Variants in MAN1A2 observed in about 807,000 individuals in gnomAD.
MAN1A2 encodes the protein mannosyl-oligosaccharide 1,2-alpha-mannosidase IB.
Under a neutral mutation model 75.7 loss-of-function variants are expected in MAN1A2, and 26 were observed. The observed-to-expected ratio is 0.34, with a 90% CI of 0.25 to 0.48. The LOEUF (loss-of-function observed/expected upper bound fraction) is 0.48, where lower values mean the gene tolerates loss of function less well. Among genes scored for constraint, MAN1A2 ranks in the 20% least tolerant of loss-of-function variants. The pLI, the probability that MAN1A2 is intolerant of heterozygous loss-of-function variation, is 0.99. For synonymous variants in MAN1A2, 247 were observed against 264.6 expected (o/e 0.93, Z 0.65); for missense variants, 562 against 775.5 (o/e 0.72, Z 3.27).
chr1:117,466,967 T>C (rs910933363), intron 8 of MAN1A2, among the ~76,000 whole-genome samples: 2 of 152,114 alleles, frequency 1.3e-5, no homozygotes, highest in African/African-American at 4.8e-5. Context: ...GGCTGACACA[T>C]AAATGTTACT....
At chr1:117,419,664 G>A (rs1206809672) in intron 4 of MAN1A2, among the ~76,000 whole-genome samples, 1 of 151,792 alleles carries the variant, frequency 6.6e-6, no homozygotes, top group Non-Finnish European at 1.5e-5. Flanking sequence ...TAGATTCTTT[G>A]ATTATGTTCT....
intron 1 of MAN1A2, among the ~76,000 whole-genome samples, chr1:117,389,107 A>C (rs1471359358): frequency 6.6e-6 from 1 of 152,208 alleles, no homozygotes; most frequent in African/African-American, 2.4e-5. Context: ...GACTACTTAA[A>C]ATACCAAATC....
At chr1:117,429,125 T>C (rs2101792633) in intron 5 of MAN1A2, among the ~76,000 whole-genome samples, 1 of 147,356 alleles carries the variant, frequency 6.8e-6, no homozygotes, top group East Asian at 2.0e-4. Context: ...GGGGGTAAGG[T>C]CACAGATCAA....
intron 4 of MAN1A2, among the ~76,000 whole-genome samples, chr1:117,415,638 A>G (rs1172137122): frequency 1.4e-5 from 2 of 147,758 alleles, no homozygotes; most frequent in African/African-American, 2.5e-5. Context: ...ACCTAATATA[A>G]AAGAGCTTAA....
At chr1:117,514,893 A>G (rs1651667138) in intron 12 of MAN1A2, 2 of 533,004 alleles carry the variant, frequency 3.8e-6, no homozygotes, top group South Asian at 2.8e-5. Flanking sequence ...CTGGATGAAA[A>G]GAGTAGCATC....
chr1:117,477,889 G>A (rs1650373444), intron 8 of MAN1A2, among the ~76,000 whole-genome samples: 2 of 151,924 alleles, frequency 1.3e-5, no homozygotes, highest in Admixed American at 1.3e-4. Context: ...AAACCCCATC[G>A]CCTCAGCCCA....
intron 8 of MAN1A2, among the ~76,000 whole-genome samples, chr1:117,490,695 T>C (rs928814811): frequency 6.6e-6 from 1 of 152,114 alleles, no homozygotes; most frequent in African/African-American, 2.4e-5. Flanking sequence ...GGAAGGCATG[T>C]CAAAAGCCAA....
chr1:117,481,932 C>G (rs987936460), intron 8 of MAN1A2, among the ~76,000 whole-genome samples: 5 of 151,876 alleles, frequency 3.3e-5, no homozygotes, highest in African/African-American at 1.2e-4. Flanking sequence ...CTAACCCTTT[C>G]CATTTTGCCT....
intron 6 of MAN1A2, among the ~76,000 whole-genome samples, chr1:117,444,976 G>A (rs2101816445): frequency 6.6e-6 from 1 of 152,258 alleles, no homozygotes; most frequent in South Asian, 2.1e-4. Flanking sequence ...GGCATTAGTT[G>A]TGGAGTTTTC....
intron 5 of MAN1A2, among the ~76,000 whole-genome samples, chr1:117,426,213 TC>T (rs1648368480): frequency 6.6e-6 from 1 of 151,916 alleles, no homozygotes; most frequent in Non-Finnish European, 1.5e-5. Flanking sequence ...ATGTAATAGG[TC>T]TTTTTTTTTT....
At chr1:117,514,733 G>A (rs906028361) in intron 12 of MAN1A2, 4 of 481,096 alleles carry the variant, frequency 8.3e-6, no homozygotes, top group African/African-American at 7.9e-5. Flanking sequence ...GAATCAGTGG[G>A]ATCATTGTGG....
Position 117,368,002 on chromosome 1 carries a change from A to C in MAN1A2, c.-182A>C. The C allele has an allele frequency of 1.7e-6, 1 of 596,688 alleles. No individual in the cohort carries two copies. The highest frequency in any genetic ancestry group is 2.9e-6 in the Non-Finnish European group (1 of 340,434). 37.0% of individuals were successfully genotyped at this position (596,688 alleles called of 1,614,324 possible). A position where few individuals can be genotyped will look rare whatever the true frequency, so the allele number is the denominator to read the frequency against. On this transcript the variant is annotated 5_prime_UTR_variant, in exon 1 of 13. Transcript: ENST00000356554. ...TGTGATCGTTTGGGGGAGGTCACAC[A>C]CGTTTCTGAGTGGGAATGGATGGGC...
At position 117,526,777 on chromosome 1, in the gene MAN1A2, A is replaced by G. The variant is rs1469896755; in HGVS notation, c.*3820A>G. On this transcript the variant is annotated 3_prime_UTR_variant, in exon 13 of 13. Transcript: ENST00000356554. ...AAGTTCCAAATAACAGTTCCTAGTA[A>G]TAGTATTTTGAGTTATTTTTCTTTA... is the stretch of plus-strand genomic sequence containing the variant. 1 of 148,626 alleles carries G rather than the reference A, an allele frequency of 6.7e-6. No homozygotes were observed. Among genetic ancestry groups the G allele is most frequent in the African/African-American group, 2.5e-5 (1 of 40,588 alleles). 9.2% of individuals were successfully genotyped at this position (148,626 alleles called of 1,614,324 possible). A position where few individuals can be genotyped will look rare whatever the true frequency, so the allele number is the denominator to read the frequency against.
intron 1 of MAN1A2, among the ~76,000 whole-genome samples, chr1:117,370,216 G>GT (rs1461212457): frequency 3.3e-5 from 5 of 152,170 alleles, no homozygotes; most frequent in Admixed American, 3.3e-4. Flanking sequence ...AAACTATTGG[G>GT]TTCCTGAGTT....
At chr1:117,381,017 G>A (rs1401007563) in intron 1 of MAN1A2, among the ~76,000 whole-genome samples, 2 of 151,930 alleles carry the variant, frequency 1.3e-5, no homozygotes, top group East Asian at 3.9e-4. Flanking sequence ...CCATTTTTGA[G>A]GTCTTCTTTA....
chr1:117,374,312 T>C (rs1653073624), intron 1 of MAN1A2, among the ~76,000 whole-genome samples: 2 of 152,160 alleles, frequency 1.3e-5, no homozygotes, highest in African/African-American at 4.8e-5. Flanking sequence ...AATTAACTTC[T>C]GGTTTGGGCT....
intron 1 of MAN1A2, among the ~76,000 whole-genome samples, chr1:117,401,962 A>G (rs1263585198): frequency 1.3e-5 from 2 of 152,092 alleles, no homozygotes; most frequent in South Asian, 2.1e-4. Flanking sequence ...TAGTCTGGAA[A>G]TTGTATAAAG....
At position 117,523,028 on chromosome 1, in the gene MAN1A2, G is replaced by T; in HGVS notation, c.*71G>T. On this transcript the variant is annotated 3_prime_UTR_variant, in exon 13 of 13. Coordinates refer to ENST00000356554, the MANE Select transcript of MAN1A2 (RefSeq NM_006699.5). ...GACCACTACAGAAATTAGTTTGAAG[G>T]GGCGGCTTTTGAAAACCTGGACCTC... is the stretch of plus-strand genomic sequence containing the variant. 6.3e-7 allele frequency: 1 copy of T among 1,577,016 alleles called. No homozygotes were observed.
chr1:117,493,374 TACAA>T (rs1272152093), intron 9 of MAN1A2, 112 bp downstream of exon 9: 13 of 584,178 alleles, frequency 2.2e-5, no homozygotes, highest in Non-Finnish European at 3.6e-5. Flanking sequence ...AGTAAATACA[TACAA>T]ACATTTTATT....
Sources: gnomAD v4.1 joint callset for allele counts (sites outside exome capture counted in the v4.1 genomes callset) on GRCh38, gnomAD v4.1.1 for gene constraint, MANE v1.5 for transcripts, NCBI Gene and HGNC (gene_info 2026-07-23, HGNC 2026-07-21) for gene names.